KIAA1549L: variants seen among roughly 807,000 people sequenced by gnomAD.
KIAA1549L encodes the protein KIAA1549 like.
KIAA1549L carries 88 observed loss-of-function variants against 160.7 expected under a neutral mutation model. That is an observed-to-expected ratio of 0.55 (90% CI 0.46 to 0.65). The LOEUF is 0.65. Among genes scored for constraint, KIAA1549L ranks in the 30% least tolerant of loss-of-function variants. The pLI is 0.00. For synonymous variants in KIAA1549L, 950 were observed against 976.7 expected, an observed-to-expected ratio of 0.97 and a Z score of 0.51; for missense variants, 2,258 against 2,437.5, an observed-to-expected ratio of 0.93 and a Z score of 1.55.
chr11:33,435,820 A>ATATATATG lies in KIAA1549L; in HGVS notation c.238+58938_238+58939insGTATATAT, dbSNP rs1565136000. Among the ~76,000 whole-genome samples, 6 of 44,766 alleles carry ATATATATG rather than the reference A, an allele frequency of 1.3e-4. 2 individuals carry two copies. The highest frequency in any genetic ancestry group is 6.0e-4 in the African/African-American group (4 of 6,630). The allele number at this position is 44,766 out of a possible 152,430, so 29.4% of individuals were successfully genotyped here. A position where few individuals can be genotyped will look rare whatever the true frequency, so the allele number is the denominator to read the frequency against. On this transcript the variant is annotated intron_variant, in intron 1 of 20. Transcript: ENST00000658780. ...TATATATATATATATATGTGTGTGT[A>ATATATATG]TATATATATATGTATATGTATATGT...
At chr11:33,635,637 A>G (rs1851417076) in intron 16 of KIAA1549L, among the ~76,000 whole-genome samples, 1 of 152,234 alleles carries the variant, frequency 6.6e-6, no homozygotes, top group Non-Finnish European at 1.5e-5. Flanking sequence ...AAGTGGCCTC[A>G]AGAGCCCTTT....
intron 1 of KIAA1549L, among the ~76,000 whole-genome samples, chr11:33,385,061 C>T (rs796771191): frequency 1.1e-4 from 16 of 151,824 alleles, no homozygotes; most frequent in African/African-American, 3.6e-4. Flanking sequence ...GTGCCAAGGT[C>T]ACAAATATCT....
At chr11:33,647,358 A>G (rs1011716727) in intron 17 of KIAA1549L, among the ~76,000 whole-genome samples, 1 of 144,060 alleles carries the variant, frequency 6.9e-6, no homozygotes, top group African/African-American at 2.6e-5. Context: ...CCTGGCTGAC[A>G]CAGTAAGACT....
At chr11:33,531,045 G>A (rs541120961) in intron 1 of KIAA1549L, among the ~76,000 whole-genome samples, 7 of 152,274 alleles carry the variant, frequency 4.6e-5, no homozygotes, top group Admixed American at 2.0e-4. Flanking sequence ...GGATGTGCAC[G>A]TGGTCAGGGC....
At chr11:33,600,527 T>A (rs1381715739) in intron 13 of KIAA1549L, among the ~76,000 whole-genome samples, 1 of 146,412 alleles carries the variant, frequency 6.8e-6, no homozygotes, top group African/African-American at 2.5e-5. Flanking sequence ...CCCTCCCAGC[T>A]CCGCCTACTC....
At chr11:33,558,308 A>G (rs1854716744) in intron 6 of KIAA1549L, among the ~76,000 whole-genome samples, 1 of 152,134 alleles carries the variant, frequency 6.6e-6, no homozygotes, top group African/African-American at 2.4e-5. Context: ...ACGGTACCCA[A>G]GGCTCTAACA....
At chr11:33,533,410 A>G (rs1853821414) in intron 1 of KIAA1549L, among the ~76,000 whole-genome samples, 1 of 152,234 alleles carries the variant, frequency 6.6e-6, no homozygotes, top group Non-Finnish European at 1.5e-5. Flanking sequence ...AAACCTGGCT[A>G]AGCACTTTCT....
chr11:33,442,138 T>A (rs1334594706), intron 1 of KIAA1549L, among the ~76,000 whole-genome samples: 1 of 152,090 alleles, frequency 6.6e-6, no homozygotes, highest in Non-Finnish European at 1.5e-5. Context: ...TTTCTACATA[T>A]GGCTAGCCAG....
intron 1 of KIAA1549L, among the ~76,000 whole-genome samples, chr11:33,532,152 C>T (rs778477268): frequency 8.5e-5 from 13 of 152,214 alleles, no homozygotes; most frequent in Non-Finnish European, 1.9e-4. Context: ...CCTCTCTGAG[C>T]TCTGGTTTCC....
intron 1 of KIAA1549L, among the ~76,000 whole-genome samples, chr11:33,488,650 A>G (rs887121361): frequency 1.3e-5 from 2 of 152,342 alleles, no homozygotes; most frequent in Non-Finnish European, 2.9e-5. Flanking sequence ...TAACTTGCCT[A>G]CTAAGATTAC....
intron 12 of KIAA1549L, among the ~76,000 whole-genome samples, chr11:33,594,924 A>G (rs1850159193): frequency 6.6e-6 from 1 of 152,258 alleles, no homozygotes; most frequent in Non-Finnish European, 1.5e-5. Flanking sequence ...AAGGCTTATT[A>G]ATAACTTATT....
At chr11:33,397,001 C>G (rs1197160260) in intron 1 of KIAA1549L, among the ~76,000 whole-genome samples, 2 of 150,938 alleles carry the variant, frequency 1.3e-5, no homozygotes, top group African/African-American at 4.9e-5. Flanking sequence ...TTAAGCTCTC[C>G]TCTGTTTTCT....
rs1855025052 is a variant in KIAA1549L at position 33,565,704 on chromosome 11, G to GCTTT, written c.4079-2371_4079-2368dup. On this transcript the variant is annotated intron_variant, in intron 8 of 20. Coordinates refer to ENST00000658780, the MANE Select transcript of KIAA1549L (RefSeq NM_012194.3). ...CACAGCCTCTGGCACTTCCGTGGAG[G>GCTTT]CTTTTTTTTTTTTTTCAAAAAAATT... Among the ~76,000 whole-genome samples the GCTTT allele has an allele frequency of 1.5e-5, 2 of 129,988 alleles. 1 individual carries two copies. The highest frequency in any genetic ancestry group is 6.1e-5 in the African/African-American group (2 of 33,046). 85.3% of individuals were successfully genotyped at this position (129,988 alleles called of 152,430 possible). A position where few individuals can be genotyped will look rare whatever the true frequency, so the allele number is the denominator to read the frequency against.
At chr11:33,548,278 A>T (rs1286246086) in intron 4 of KIAA1549L, among the ~76,000 whole-genome samples, 1 of 152,108 alleles carries the variant, frequency 6.6e-6, no homozygotes, top group Non-Finnish European at 1.5e-5. Context: ...AGGTGCCTGT[A>T]ATCCCAGCTA....
At chr11:33,410,562 C>CT (rs1036328111) in intron 1 of KIAA1549L, among the ~76,000 whole-genome samples, 3 of 152,222 alleles carry the variant, frequency 2.0e-5, no homozygotes, top group African/African-American at 7.2e-5. Context: ...TCATACTTTG[C>CT]TTTCCAACAT....
At chr11:33,502,246 C>G (rs1852967846) in intron 1 of KIAA1549L, among the ~76,000 whole-genome samples, 1 of 152,174 alleles carries the variant, frequency 6.6e-6, no homozygotes. Flanking sequence ...TCGCATCACT[C>G]ATGAGAAGTC....
At chr11:33,536,657 C>T (rs1419099344) in intron 1 of KIAA1549L, among the ~76,000 whole-genome samples, 2 of 152,166 alleles carry the variant, frequency 1.3e-5, no homozygotes, top group African/African-American at 2.4e-5. Flanking sequence ...ATAGACACCA[C>T]CTCTTAATGG....
At chr11:33,482,899 T>C (rs1215962268) in intron 1 of KIAA1549L, among the ~76,000 whole-genome samples, 1 of 152,146 alleles carries the variant, frequency 6.6e-6, no homozygotes, top group Non-Finnish European at 1.5e-5. Flanking sequence ...TTTAAAAAGT[T>C]ATACTAGATT....
At chr11:33,427,954 C>T (rs574966881) in intron 1 of KIAA1549L, among the ~76,000 whole-genome samples, 1 of 152,344 alleles carries the variant, frequency 6.6e-6, no homozygotes, top group East Asian at 1.9e-4. Context: ...AATTTCATTT[C>T]CTTTTATTGG....
Sources: gnomAD v4.1 joint callset for allele counts (sites outside exome capture counted in the v4.1 genomes callset) on GRCh38, gnomAD v4.1.1 for gene constraint, MANE v1.5 for transcripts, NCBI Gene and HGNC (gene_info 2026-07-23, HGNC 2026-07-21) for gene names.